Variants in TENM1 observed in about 807,000 individuals in gnomAD.
TENM1 encodes teneurin transmembrane protein 1, also known as teneurin-1.
In TENM1, 35 loss-of-function variants were observed where a neutral mutation model predicts 174.8. That is an observed-to-expected ratio of 0.20 (90% CI 0.15 to 0.27). The LOEUF (loss-of-function observed/expected upper bound fraction) is 0.27, where lower values mean the gene tolerates loss of function less well. Ranked by LOEUF, TENM1 falls within the 10% of genes least tolerant of loss-of-function variation. TENM1 has a pLI of 1.00. For synonymous variants in TENM1, 781 were observed against 798.7 expected (o/e 0.98, Z 0.37); for missense variants, 1,633 against 2,130.1 (o/e 0.77, Z 4.59).
At chrX:124,677,577 G>T (rs767273461) in intron 5 of TENM1, among the ~76,000 whole-genome samples, 2 of 111,719 alleles carry the variant, frequency 1.8e-5, no homozygotes, top group East Asian at 5.6e-4. Flanking sequence ...AGGGGCATGT[G>T]CAAGGAAATT....
intron 11 of TENM1, 91 bp from the exon 15 acceptor site, chrX:124,565,651 G>T: frequency 1.8e-6 from 1 of 556,590 alleles, no homozygotes; most frequent in Non-Finnish European, 2.5e-6. Context: ...AAAAATCCCT[G>T]TCTATATTTA....
intron 9 of TENM1, among the ~76,000 whole-genome samples, 149 bp downstream of exon 12, chrX:124,646,552 ATAGTAAGT>A (rs767240297): frequency 8.9e-5 from 10 of 112,502 alleles, no homozygotes; most frequent in African/African-American, 3.2e-4. Flanking sequence ...AGTGCCTGGC[ATAGTAAGT>A]GCTCAGCTTT....
At chrX:124,787,011 G>A (rs2055053339) in intron 3 of TENM1, among the ~76,000 whole-genome samples, 1 of 111,415 alleles carries the variant, frequency 9.0e-6, no homozygotes, top group Admixed American at 9.5e-5. Context: ...TGTACTCACG[G>A]GAGTCTTATA....
At chrX:124,460,432 C>T (rs777335648) in intron 22 of TENM1, among the ~76,000 whole-genome samples, 3 of 111,248 alleles carry the variant, frequency 2.7e-5, no homozygotes, top group African/African-American at 9.8e-5. Context: ...TCTGTAGGGA[C>T]ATGGATAAAG....
intron 22 of TENM1, among the ~76,000 whole-genome samples, chrX:124,462,449 G>A (rs751593978): frequency 2.0e-5 from 2 of 101,143 alleles, no homozygotes; most frequent in Non-Finnish European, 2.0e-5. Context: ...GTGGGGGTGG[G>A]GGGGAGGGTG....
rs750091648 is a variant in TENM1, at chrX:124,950,278, A to G, written c.217+13259T>C. 8.9e-5 allele frequency among the ~76,000 whole-genome samples: 10 copies of G among 111,930 alleles called. No homozygotes were observed. In the East Asian group the frequency reaches 2.5e-3, roughly 28 times the overall value. On this transcript the variant is annotated intron_variant, in intron 1 of 31. Transcript: ENST00000422452. ...GAATAATTAAGCAACAAATACATCAAAACAAAAACAATCAACTTTTTAATT... is the reference window on the plus strand; with the variant it reads ...GAATAATTAAGCAACAAATACATCAGAACAAAAACAATCAACTTTTTAATT...
the TENM1 span, among the ~76,000 whole-genome samples, chrX:125,170,591 G>A: frequency 1.8e-5 from 2 of 111,294 alleles, no homozygotes; most frequent in Non-Finnish European, 3.8e-5. Flanking sequence ...GACAGTTGAA[G>A]AAGTTGATTC....
At chrX:124,831,018 T>C (rs1603235174) in intron 3 of TENM1, among the ~76,000 whole-genome samples, 1 of 112,088 alleles carries the variant, frequency 8.9e-6, no homozygotes, top group South Asian at 3.8e-4. Context: ...AGTCCAGAGT[T>C]GTTTTTGCCT....
intron 15 of TENM1, among the ~76,000 whole-genome samples, chrX:124,533,563 T>C (rs12394175): frequency 0.014 from 1,562 of 111,753 alleles, 35 homozygotes; most frequent in African/African-American, 0.048. Flanking sequence ...ACTTGGCCTG[T>C]ACTTGGTCTG....
At chrX:125,038,069 C>G in the TENM1 span, among the ~76,000 whole-genome samples, 1 of 111,252 alleles carries the variant, frequency 9.0e-6, no homozygotes, top group South Asian at 3.7e-4. Context: ...TTACTTAGCC[C>G]TGCTTGTCTC....
At chrX:125,031,395 A>G in the TENM1 span, among the ~76,000 whole-genome samples, 1 of 111,961 alleles carries the variant, frequency 8.9e-6, no homozygotes, top group African/African-American at 3.2e-5. Flanking sequence ...GTAAATGGCA[A>G]TTGATCTGAG....
chrX:124,974,243 T>C, the TENM1 span, among the ~76,000 whole-genome samples: 1 of 111,860 alleles, frequency 8.9e-6, no homozygotes, highest in South Asian at 3.8e-4. Context: ...AGAGCCCTCA[T>C]TTCCTATTCA....
chrX:125,126,318 A>T, the TENM1 span, among the ~76,000 whole-genome samples: 116 of 111,603 alleles, frequency 1.0e-3, no homozygotes, highest in Non-Finnish European at 1.6e-3. Context: ...TGAAGTGATA[A>T]TTTGTTCCAG....
At position 124,619,470 on chromosome X, in the gene TENM1, T is replaced by G. The variant is rs1413591338; in HGVS notation, c.2077+22321A>C. Among the ~76,000 whole-genome samples the G allele has an allele frequency of 2.7e-5, 3 of 112,230 alleles. No homozygotes were observed. The East Asian group carries it at 8.3e-4, about 31-fold the overall frequency. On this transcript the variant is annotated intron_variant, in intron 11 of 31. Transcript: ENST00000422452. ...TCATAGTCTGGATATGTCCTATAGT[T>G]TAGCCCTTTACAAATGGATATTTAG...
At chrX:124,809,113 A>AAAG (rs1013074845) in intron 3 of TENM1, among the ~76,000 whole-genome samples, 2 of 112,044 alleles carry the variant, frequency 1.8e-5, no homozygotes, top group African/African-American at 6.5e-5. Flanking sequence ...CAGACATGAA[A>AAAG]AAGACATTAC....
chrX:124,401,016 C>G (rs2060393410), intron 27 of TENM1, among the ~76,000 whole-genome samples: 1 of 111,379 alleles, frequency 9.0e-6, no homozygotes, highest in Non-Finnish European at 1.9e-5. Context: ...CTTAATGGAG[C>G]TGGTGAAGGA....
the TENM1 span, among the ~76,000 whole-genome samples, chrX:125,202,647 C>A: frequency 9.3e-6 from 1 of 107,247 alleles, no homozygotes; most frequent in Non-Finnish European, 1.9e-5. Flanking sequence ...GCAAACCAGC[C>A]CCCGCCCCCG....
chrX:124,612,139 T>A (rs2050292054), intron 11 of TENM1, among the ~76,000 whole-genome samples: 1 of 111,786 alleles, frequency 8.9e-6, no homozygotes, highest in Non-Finnish European at 1.9e-5. Context: ...AATAAAAATA[T>A]ATGTGTATTT....
the TENM1 span, among the ~76,000 whole-genome samples, chrX:125,150,143 G>A: frequency 8.1e-5 from 9 of 111,536 alleles, no homozygotes; most frequent in Non-Finnish European, 1.7e-4. Flanking sequence ...GAAGATAATG[G>A]CAAGTCCAAA....
Sources: gnomAD v4.1 joint callset for allele counts (sites outside exome capture counted in the v4.1 genomes callset) on GRCh38, gnomAD v4.1.1 for gene constraint, MANE v1.5 for transcripts, NCBI Gene and HGNC (gene_info 2026-07-23, HGNC 2026-07-21) for gene names.